GOSR2: variants seen among roughly 807,000 people sequenced by gnomAD.
GOSR2 encodes the protein golgi SNAP receptor complex member 2, also known as 27 kDa Golgi SNARE protein.
A neutral mutation model predicts 27.9 loss-of-function variants in GOSR2; 20 were observed. The ratio of observed to expected loss-of-function variants is 0.72; its 90% CI spans 0.50 to 1.04. The LOEUF (loss-of-function observed/expected upper bound fraction) is 1.04, where lower values mean the gene tolerates loss of function less well. Among genes scored for constraint, GOSR2 ranks in the 50% least tolerant of loss-of-function variants. GOSR2 has a pLI of 0.00. For synonymous variants in GOSR2, 91 were observed against 98.8 expected (o/e 0.92, Z 0.47); for missense variants, 261 against 270.5 (o/e 0.97, Z 0.25).
chr17:46,975,461 T>C (rs1454710322), exon 7 of GOSR2: 1 of 152,440 alleles, frequency 6.6e-6, no homozygotes, highest in African/African-American at 2.4e-5. Flanking sequence ...CTGTTCCTCA[T>C]TCACTCTTAC....
intron 6 of GOSR2, among the ~76,000 whole-genome samples, chr17:46,963,450 T>TACAAGAATTGCTTGAACCTGGG (rs2091175661): frequency 6.6e-6 from 1 of 151,314 alleles, no homozygotes; most frequent in Non-Finnish European, 1.5e-5. Context: ...GAGGCTGAGT[T>TACAAGAATTGCTTGAACCTGGG]ACAAGAATTG....
At chr17:46,948,040 G>A (rs949512159) in intron 6 of GOSR2, among the ~76,000 whole-genome samples, 2 of 152,260 alleles carry the variant, frequency 1.3e-5, no homozygotes, top group Middle Eastern at 3.4e-3. Flanking sequence ...CAAAGTGCTG[G>A]GATTACAGAC....
At chr17:46,957,422 G>C (rs948718492) in intron 6 of GOSR2, among the ~76,000 whole-genome samples, 1 of 152,172 alleles carries the variant, frequency 6.6e-6, no homozygotes, top group African/African-American at 2.4e-5. Context: ...AGACCAGCCT[G>C]GCCAACATGG....
intron 6 of GOSR2, among the ~76,000 whole-genome samples, chr17:46,974,318 A>G (rs2091424143): frequency 6.6e-6 from 1 of 152,236 alleles, no homozygotes; most frequent in Non-Finnish European, 1.5e-5. Flanking sequence ...GAGATTTACA[A>G]TAGACACCGG....
intron 3 of GOSR2, chr17:46,931,409 C>T (rs1342704273): frequency 8.3e-6 from 5 of 603,132 alleles, no homozygotes; most frequent in Admixed American, 3.0e-5. Context: ...GTTTGTGACT[C>T]AGAAACCTTG....
intron 1 of GOSR2, chr17:46,924,225 C>A (rs1293575302): frequency 5.2e-6 from 1 of 192,002 alleles, no homozygotes; most frequent in Non-Finnish European, 1.1e-5. Flanking sequence ...AGAATTTGTC[C>A]TTTTGTATCT....
chr17:46,965,508 G>A (rs1202770520), intron 6 of GOSR2, among the ~76,000 whole-genome samples: 1 of 152,212 alleles, frequency 6.6e-6, no homozygotes, highest in East Asian at 1.9e-4. Flanking sequence ...TGTCTGATCT[G>A]TGGACTGTGG....
intron 4 of GOSR2, among the ~76,000 whole-genome samples, chr17:46,933,824 C>T (rs1482713326): frequency 1.3e-5 from 2 of 151,574 alleles, no homozygotes; most frequent in African/African-American, 2.4e-5. Context: ...ATTAGCCGGG[C>T]GTGGTGGCGT....
In GOSR2 at chr17:46,939,796, G is replaced by T; in HGVS notation, c.*1036G>T. 1.0e-6 allele frequency: 1 copy of T among 987,126 alleles called. No homozygotes were observed. The highest frequency in any genetic ancestry group is 1.2e-6 in the Non-Finnish European group (1 of 830,968). The allele number at this position is 987,126 out of a possible 1,614,324, so 61.1% of individuals were successfully genotyped here. Reference sequence around the variant, plus strand: ...CCTTTTTCCTTCTGTGACCAGCCCCGGATTCAGGCTGTACTAATACCAGGT... The same window carrying T: ...CCTTTTTCCTTCTGTGACCAGCCCCTGATTCAGGCTGTACTAATACCAGGT... On this transcript the variant is annotated 3_prime_UTR_variant, in exon 6 of 6. Transcript: ENST00000640051.
chr17:46,926,930 T>A (rs1476065037), intron 1 of GOSR2, among the ~76,000 whole-genome samples: 1 of 152,252 alleles, frequency 6.6e-6, no homozygotes, highest in Non-Finnish European at 1.5e-5. Context: ...TTCCTCAAAC[T>A]GCTGGGTCAT....
At position 46,935,098 on chromosome 17, in the gene GOSR2, G is replaced by C; in HGVS notation, c.406G>C (p.Gly136Arg). ...CTCCTCCCTCCAGAAAGTTCACAAC[G>C]GCATGGATGACCTCATTTTAGATGG... is the stretch of plus-strand genomic sequence containing the variant. Reference protein sequence around the residue: ...FNSSLQKVHNGMDDLILDGHN... With the variant: ...FNSSLQKVHNRMDDLILDGHN... The change falls in exon 5 of 6, where the codon GGC becomes CGC. Residue 136 changes from glycine (G) to arginine (R), a missense_variant. Transcript: ENST00000640051. 6.2e-7 allele frequency: 1 copy of C among 1,613,150 alleles called. No individual in the cohort carries two copies. The highest frequency in any genetic ancestry group is 1.3e-5 in the African/African-American group (1 of 75,022).
In GOSR2 at chr17:46,935,188, G is replaced by A. The variant is rs754797654; in HGVS notation, c.477+19G>A. The A allele has an allele frequency of 6.2e-7, 1 of 1,613,722 alleles. No individual in the cohort carries two copies. On this transcript the variant is annotated intron_variant, in intron 5 of 5. Coordinates refer to ENST00000640051, the MANE Select transcript of GOSR2 (RefSeq NM_004287.5). Reference sequence around the variant, plus strand: ...CTTGAAGGTGGGGTCCCTGCTGGGGGACAGAGAGAAGGCCTCTTGTTTTAG... The same window carrying A: ...CTTGAAGGTGGGGTCCCTGCTGGGGAACAGAGAGAAGGCCTCTTGTTTTAG...
At chr17:46,927,135 G>A (rs1361873329) in intron 1 of GOSR2, among the ~76,000 whole-genome samples, 1 of 152,002 alleles carries the variant, frequency 6.6e-6, no homozygotes, top group Non-Finnish European at 1.5e-5. Flanking sequence ...TTTCATTTGT[G>A]TTTTCCTAGT....
chr17:46,966,695 C>A (rs1320005470), exon 7 of GOSR2: 1 of 510,250 alleles, frequency 2.0e-6, no homozygotes, highest in African/African-American at 2.0e-5. Flanking sequence ...CTGGTTCTAT[C>A]AACTATTAGC....
downstream of GOSR2, among the ~76,000 whole-genome samples, chr17:46,943,348 A>G (rs2089516012): frequency 1.3e-5 from 2 of 152,120 alleles, no homozygotes; most frequent in African/African-American, 4.8e-5. Context: ...CTGCCCCTGC[A>G]GTGCAGCCCC....
At chr17:46,935,317 G>A (rs2088127655) in intron 5 of GOSR2, 148 bp downstream of exon 5, 2 of 1,522,174 alleles carry the variant, frequency 1.3e-6, no homozygotes, top group African/African-American at 1.4e-5. Flanking sequence ...GATCCTTTCT[G>A]TTGGAGTTGA....
Position 46,940,536 on chromosome 17 carries a change from A to T in GOSR2, c.*1776A>T. 1 of 1,614,156 alleles carries T rather than the reference A, an allele frequency of 6.2e-7. No individual in the cohort carries two copies. Among genetic ancestry groups the T allele is most frequent in the Non-Finnish European group, 8.5e-7 (1 of 1,180,000 alleles). Reference sequence around the variant, plus strand: ...AATGGATTCTGAGACTGCGACGGCAAGGCTGTCCTGTCCCCCAGGCACCCA... The same window carrying T: ...AATGGATTCTGAGACTGCGACGGCATGGCTGTCCTGTCCCCCAGGCACCCA... On this transcript the variant is annotated 3_prime_UTR_variant, in exon 6 of 6. Coordinates refer to ENST00000640051, the MANE Select transcript of GOSR2 (RefSeq NM_004287.5).
At chr17:46,959,086 G>A (rs2090906202) in intron 6 of GOSR2, among the ~76,000 whole-genome samples, 1 of 152,202 alleles carries the variant, frequency 6.6e-6, no homozygotes, top group Non-Finnish European at 1.5e-5. Flanking sequence ...GGTCAGGTGA[G>A]AGTCAGTACA....
At chr17:46,946,282 CAA>C (rs58163051), downstream of GOSR2, among the ~76,000 whole-genome samples, 176 of 126,680 alleles carry the variant, frequency 1.4e-3, 2 homozygotes, top group East Asian at 0.021. Flanking sequence ...CTAAAAATAC[CAA>C]AAAAAAAAAA....
Sources: allele counts gnomAD v4.1 joint callset (sites outside exome capture counted in the v4.1 genomes callset), GRCh38; gene constraint gnomAD v4.1.1; transcripts MANE v1.5; gene names NCBI Gene and HGNC (gene_info 2026-07-23, HGNC 2026-07-21).